The following DLG2 variants were observed in gnomAD, a reference collection of about 807,000 sequenced individuals.
DLG2 encodes discs large MAGUK scaffold protein 2, also known as disks large homolog 2.
A neutral mutation model predicts 132.5 loss-of-function variants in DLG2; 45 were observed. The observed-to-expected ratio is 0.34, with a 90% confidence interval of 0.27 to 0.44. The LOEUF (loss-of-function observed/expected upper bound fraction) is 0.44, where lower values mean the gene tolerates loss of function less well. Among genes scored for constraint, DLG2 ranks in the 20% least tolerant of loss-of-function variants. DLG2 has a pLI of 1.00. For missense variants in DLG2, 1,045 were observed against 1,196.9 expected (o/e 0.87, Z 1.87); for synonymous variants, 424 against 419.6 (o/e 1.01, Z -0.13).
intron 6 of DLG2, among the ~76,000 whole-genome samples, chr11:84,760,329 C>A (rs2067440302): frequency 6.6e-6 from 1 of 152,204 alleles, no homozygotes; most frequent in African/African-American, 2.4e-5. Flanking sequence ...TTCTAATGGA[C>A]TTGCTAGGCT....
intron 11 of DLG2, among the ~76,000 whole-genome samples, chr11:83,999,643 CT>C (rs1376243421): frequency 1.3e-5 from 2 of 152,134 alleles, no homozygotes; most frequent in Non-Finnish European, 2.9e-5. Context: ...GCTGCCACCC[CT>C]GGGGCCCAAA....
At chr11:84,563,802 G>A (rs2099437872) in intron 6 of DLG2, among the ~76,000 whole-genome samples, 1 of 152,154 alleles carries the variant, frequency 6.6e-6, no homozygotes, top group African/African-American at 2.4e-5. Flanking sequence ...GCAGCTATGT[G>A]ACATCTTATT....
At chr11:85,041,816 G>C (rs1350115658) in intron 6 of DLG2, among the ~76,000 whole-genome samples, 1 of 151,878 alleles carries the variant, frequency 6.6e-6, no homozygotes, top group Non-Finnish European at 1.5e-5. Flanking sequence ...ATAAGCATCT[G>C]AGTAAATGGA....
At chr11:84,589,128 A>C (rs1478507246) in intron 6 of DLG2, among the ~76,000 whole-genome samples, 1 of 152,118 alleles carries the variant, frequency 6.6e-6, no homozygotes, top group East Asian at 1.9e-4. Context: ...TTGTGGCTGA[A>C]GGGTTGAAGG....
At chr11:83,817,812 G>T (rs2049480649) in intron 17 of DLG2, among the ~76,000 whole-genome samples, 2 of 152,154 alleles carry the variant, frequency 1.3e-5, no homozygotes, top group African/African-American at 4.8e-5. Context: ...GGAGCTCAAA[G>T]GTTTAGTGAG....
intron 10 of DLG2, among the ~76,000 whole-genome samples, chr11:84,071,897 C>T (rs1398172434): frequency 6.6e-6 from 1 of 152,138 alleles, no homozygotes; most frequent in African/African-American, 2.4e-5. Context: ...AGAATCAGAG[C>T]CGAGCCTGCT....
chr11:84,218,398 G>A (rs68149662), intron 8 of DLG2, among the ~76,000 whole-genome samples: 11,956 of 124,618 alleles, frequency 0.096, 1,797 homozygotes, highest in African/African-American at 0.33. Context: ...GGGAGGGAGG[G>A]AGGAAGGAAG....
chr11:84,273,854 A>G (rs1001550644), intron 7 of DLG2, among the ~76,000 whole-genome samples: 1 of 152,182 alleles, frequency 6.6e-6, no homozygotes, highest in African/African-American at 2.4e-5. Context: ...ACAGAGTATT[A>G]CTGTCTTAAT....
intron 4 of DLG2, among the ~76,000 whole-genome samples, chr11:85,269,886 A>G (rs996278853): frequency 3.3e-5 from 5 of 152,238 alleles, no homozygotes; most frequent in African/African-American, 1.2e-4. Context: ...CATATTTAAA[A>G]TAATAGTAAT....
At chr11:85,583,128 GTGTATATATATATATA>G (rs1465829735) in intron 3 of DLG2, among the ~76,000 whole-genome samples, 27 of 27,422 alleles carry the variant, frequency 9.8e-4, no homozygotes, top group South Asian at 2.1e-3. Flanking sequence ...GTGTGTGTGT[GTGTATATATATATATA>G]TATATATATA....
intron 7 of DLG2, chr11:84,437,867 G>A (rs60205655): frequency 0.012 from 1,799 of 152,642 alleles, 17 homozygotes; most frequent in African/African-American, 0.03. Context: ...CTCTAGGCTT[G>A]GGCAGTTACA....
intron 6 of DLG2, among the ~76,000 whole-genome samples, chr11:84,873,596 C>G (rs916126696): frequency 6.6e-6 from 1 of 152,114 alleles, no homozygotes; most frequent in African/African-American, 2.4e-5. Flanking sequence ...TCAGGTATGC[C>G]AATTCTACAT....
chr11:85,415,709 T>C lies in DLG2; in HGVS notation c.41-130344A>G, dbSNP rs577911875. On this transcript the variant is annotated intron_variant, in intron 3 of 27. Coordinates refer to ENST00000376104, the MANE Select transcript of DLG2 (RefSeq NM_001142699.3). ...TTGCCCACTTTTTGTTGGGTTTTTT[T>C]CTTGTAAATTTATTTAAGTTCTTTG... Among the ~76,000 whole-genome samples the C allele has an allele frequency of 8.5e-5, 13 of 152,256 alleles. No homozygotes were observed. The South Asian group carries it at 2.5e-3, about 29-fold the overall frequency.
chr11:84,148,532 C>T (rs1037518301), intron 9 of DLG2, among the ~76,000 whole-genome samples: 8 of 152,238 alleles, frequency 5.3e-5, no homozygotes, highest in Admixed American at 3.3e-4. Context: ...CCACCTGCAT[C>T]CATGTTGCCA....
At chr11:84,625,464 T>C (rs1325774686) in intron 6 of DLG2, among the ~76,000 whole-genome samples, 1 of 152,210 alleles carries the variant, frequency 6.6e-6, no homozygotes, top group East Asian at 1.9e-4. Context: ...ACTCTATATG[T>C]GTCACCTAGA....
chr11:83,806,900 C>T (rs1041215017), intron 17 of DLG2, among the ~76,000 whole-genome samples: 21 of 152,208 alleles, frequency 1.4e-4, no homozygotes, highest in African/African-American at 5.1e-4. Context: ...ATATAGCAGA[C>T]AAGCAGGACC....
chr11:84,035,478 C>T (rs1243269783), intron 11 of DLG2, among the ~76,000 whole-genome samples: 1 of 152,070 alleles, frequency 6.6e-6, no homozygotes, highest in Non-Finnish European at 1.5e-5. Context: ...CAAAGAATAG[C>T]CAACTACAAA....
At chr11:85,419,667 T>C (rs973889464) in intron 3 of DLG2, among the ~76,000 whole-genome samples, 2 of 152,214 alleles carry the variant, frequency 1.3e-5, no homozygotes, top group Non-Finnish European at 2.9e-5. Context: ...CTGCATGCTT[T>C]ATTTCATTAA....
intron 4 of DLG2, among the ~76,000 whole-genome samples, chr11:85,191,162 G>GCGCACGCA (rs34410192): frequency 1.0e-4 from 14 of 139,922 alleles, no homozygotes; most frequent in African/African-American, 3.9e-4. Flanking sequence ...GCGCACGCGC[G>GCGCACGCA]CACACACACA....
Sources: gnomAD v4.1 joint callset for allele counts (sites outside exome capture counted in the v4.1 genomes callset) on GRCh38, gnomAD v4.1.1 for gene constraint, MANE v1.5 for transcripts, NCBI Gene and HGNC (gene_info 2026-07-23, HGNC 2026-07-21) for gene names.